Variants in TMEM41B observed in about 807,000 individuals in gnomAD.
The protein encoded by TMEM41B is protein stasimon.
In TMEM41B, 18 loss-of-function variants were observed where a neutral mutation model predicts 31.9. The observed-to-expected ratio is 0.56, with a 90% CI of 0.39 to 0.84. The LOEUF (loss-of-function observed/expected upper bound fraction) is 0.84. Among genes scored for constraint, TMEM41B ranks in the 40% least tolerant of loss-of-function variants. The pLI, the probability that TMEM41B is intolerant of heterozygous loss-of-function variation, is 0.00. For synonymous variants in TMEM41B, 144 were observed against 124.3 expected (o/e 1.16, Z -1.05); for missense variants, 322 against 348.0 (o/e 0.93, Z 0.59).
intron 6 of TMEM41B, 53 bp downstream of exon 6, chr11:9,286,402 C>CT (rs1227095603): frequency 6.5e-7 from 1 of 1,548,470 alleles, no homozygotes; most frequent in Non-Finnish European, 8.7e-7. Flanking sequence ...CAGCTGGACA[C>CT]TGTTAGATAT....
intron 6 of TMEM41B, among the ~76,000 whole-genome samples, chr11:9,285,423 ATTC>A (rs1852815435): frequency 6.6e-6 from 1 of 152,100 alleles, no homozygotes; most frequent in Admixed American, 6.6e-5. Flanking sequence ...GATTTTGGTT[ATTC>A]TTTTCAAAAA....
At chr11:9,288,114 G>A (rs1270980329) in intron 4 of TMEM41B, 2 of 208,998 alleles carry the variant, frequency 9.6e-6, no homozygotes, top group East Asian at 1.5e-4. Context: ...CCCTACCCCC[G>A]ACCCCCCCAG....
chr11:9,303,648 TTC>T lies in TMEM41B; in HGVS notation c.122-3949_122-3948del, dbSNP rs1367884892. ...TCCCAACTAGTCCCTATTATTCTTT[TTC>T]TTTTTTTTTTTTTTTTTTTTTGAGA... On this transcript the variant is annotated intron_variant, in intron 1 of 6. Coordinates refer to ENST00000528080, the MANE Select transcript of TMEM41B (RefSeq NM_015012.4). 1.4e-3 allele frequency among the ~76,000 whole-genome samples: 200 copies of T among 139,510 alleles called. 1 individual carries two copies. The highest frequency in any genetic ancestry group is 2.6e-3 in the Non-Finnish European group (174 of 66,126). The allele number at this position is 139,510 out of a possible 152,430, so 91.5% of individuals were successfully genotyped here.
intron 3 of TMEM41B, among the ~76,000 whole-genome samples, chr11:9,293,933 G>A (rs953418235): frequency 6.6e-6 from 1 of 152,012 alleles, no homozygotes; most frequent in Non-Finnish European, 1.5e-5. Flanking sequence ...TGTCAGGCGT[G>A]GCGGCTCATG....
chr11:9,283,434 T>A lies in TMEM41B; in HGVS notation c.866A>T (p.Lys289Ile). ...PAIFQKKLKQ[K>I]FE Reference sequence around the variant, plus strand: ...ATCAGATGATTATTTTTACTCAAATTTCTGCTTTAGTTTTTTTTGGAAGAT... The same window carrying A: ...ATCAGATGATTATTTTTACTCAAATATCTGCTTTAGTTTTTTTTGGAAGAT... Residue 289 changes from lysine (K) to isoleucine (I), a missense_variant, in exon 7 of 7, where the codon AAA (lysine) becomes ATA (isoleucine). By Grantham distance (102) the Lys-to-Ile change is moderately radical. Around this residue, in one of 3 missense-constraint regions of TMEM41B, gnomAD observed 92 missense variants for 88.0 expected, o/e 1.05. Transcript: ENST00000528080. 2 of 1,605,332 alleles carry A rather than the reference T, an allele frequency of 1.2e-6. No individual in the cohort carries two copies. Among genetic ancestry groups the A allele is most frequent in the Non-Finnish European group, 1.7e-6 (2 of 1,176,854 alleles).
intron 6 of TMEM41B, among the ~76,000 whole-genome samples, chr11:9,285,975 C>T (rs575776218): frequency 3.3e-5 from 5 of 151,928 alleles, no homozygotes; most frequent in South Asian, 2.1e-4. Flanking sequence ...ATTAGCCAGA[C>T]GTGGTGGCGT....
At chr11:9,286,771 A>G (rs4622264) in intron 5 of TMEM41B, among the ~76,000 whole-genome samples, 178 bp from the exon 6 acceptor site, 130,233 of 150,452 alleles carry the variant, frequency 0.87, 56,860 homozygotes, top group East Asian at 0.99. Flanking sequence ...AGGCTGAGGC[A>G]GGCGGATCAC....
chr11:9,294,039 A>G (rs1853018292), intron 3 of TMEM41B, among the ~76,000 whole-genome samples: 1 of 151,196 alleles, frequency 6.6e-6, no homozygotes, highest in East Asian at 2.0e-4. Context: ...ATAAATCCCA[A>G]ATTTAACTGG....
At chr11:9,291,301 G>C (rs191626857) in intron 3 of TMEM41B, among the ~76,000 whole-genome samples, 2 of 152,090 alleles carry the variant, frequency 1.3e-5, no homozygotes, top group East Asian at 1.9e-4. Flanking sequence ...AGAATTGCTT[G>C]AACTCGGGCA....
At chr11:9,310,391 C>CAA (rs34678272) in intron 1 of TMEM41B, among the ~76,000 whole-genome samples, 103 of 150,490 alleles carry the variant, frequency 6.8e-4, no homozygotes, top group East Asian at 3.1e-3. Flanking sequence ...AAAGATTAAA[C>CAA]AAAAAAAAAC....
rs1307884936 is a variant in TMEM41B at position 9,302,108 on chromosome 11, G to A, written c.122-2407C>T. Among the ~76,000 whole-genome samples, 3 of 105,524 alleles carry A rather than the reference G, an allele frequency of 2.8e-5. 1 individual carries two copies. Among genetic ancestry groups the A allele is most frequent in the Non-Finnish European group, 4.0e-5 (2 of 50,178 alleles). 69.2% of individuals were successfully genotyped at this position (105,524 alleles called of 152,430 possible). A position where few individuals can be genotyped will look rare whatever the true frequency, so the allele number is the denominator to read the frequency against. ...TGCAACCTCCGCCTCCCGGGTTCACGCCATTCTCCTGCCTCAGCCTCCCGA... is the reference window on the plus strand; with the variant it reads ...TGCAACCTCCGCCTCCCGGGTTCACACCATTCTCCTGCCTCAGCCTCCCGA... On this transcript the variant is annotated intron_variant, in intron 1 of 6. Coordinates refer to ENST00000528080, the MANE Select transcript of TMEM41B (RefSeq NM_015012.4).
At chr11:9,287,167 C>T (rs1431128319) in intron 5 of TMEM41B, among the ~76,000 whole-genome samples, 2 of 151,680 alleles carry the variant, frequency 1.3e-5, no homozygotes, top group East Asian at 1.9e-4. Context: ...ATTAGCCAGG[C>T]GTGGTGGCAT....
At position 9,289,941 on chromosome 11, in the gene TMEM41B, A is replaced by C. The variant is rs76823115; in HGVS notation, c.369-1406T>G. 5.6e-3 allele frequency among the ~76,000 whole-genome samples: 857 copies of C among 152,264 alleles called. 9 individuals carry two copies. Among genetic ancestry groups the C allele is most frequent in the African/African-American group, 0.02 (817 of 41,544 alleles). Reference sequence around the variant, plus strand: ...AAATTTGGCAATTTCCATGGCTTCAAGTATCAACCACATATAGTACTAAAA... The same window carrying C: ...AAATTTGGCAATTTCCATGGCTTCACGTATCAACCACATATAGTACTAAAA... On this transcript the variant is annotated intron_variant, in intron 3 of 6. Coordinates refer to ENST00000528080, the MANE Select transcript of TMEM41B (RefSeq NM_015012.4).
intron 1 of TMEM41B, among the ~76,000 whole-genome samples, chr11:9,305,995 T>C (rs1853382536): frequency 1.3e-5 from 2 of 150,140 alleles, no homozygotes; most frequent in South Asian, 4.2e-4. Context: ...TTTTTTTTTT[T>C]TGAGACAGAG....
chr11:9,284,523 G>A (rs1310278468), intron 6 of TMEM41B, among the ~76,000 whole-genome samples: 1 of 152,078 alleles, frequency 6.6e-6, no homozygotes, highest in Non-Finnish European at 1.5e-5. Context: ...AGCACCCTGG[G>A]AGGCCAAGGC....
chr11:9,295,172 G>A (rs1717686221), intron 3 of TMEM41B, 87 bp downstream of exon 3: 9 of 1,258,544 alleles, frequency 7.2e-6, no homozygotes, highest in African/African-American at 1.6e-5. Flanking sequence ...ATTTTAAAAG[G>A]AAAATAGTTA....
At chr11:9,309,277 C>G (rs1853491846) in intron 1 of TMEM41B, among the ~76,000 whole-genome samples, 2 of 151,934 alleles carry the variant, frequency 1.3e-5, no homozygotes, top group Non-Finnish European at 2.9e-5. Context: ...AAATCTGATC[C>G]TGAAGATGCT....
intron 3 of TMEM41B, among the ~76,000 whole-genome samples, chr11:9,293,210 T>C (rs1045641015): frequency 6.6e-6 from 1 of 151,986 alleles, no homozygotes; most frequent in East Asian, 1.9e-4. Context: ...TCAGGTGATC[T>C]TCCCACCTCA....
chr11:9,287,876 G>T, intron 4 of TMEM41B, 70 bp from the exon 5 acceptor site: 3 of 1,110,004 alleles, frequency 2.7e-6, no homozygotes, highest in Non-Finnish European at 4.0e-6. Flanking sequence ...ATTCACCTGA[G>T]TAAAAAGCTC....
Sources: gnomAD v4.1 joint callset for allele counts (sites outside exome capture counted in the v4.1 genomes callset) on GRCh38, gnomAD v4.1.1 for gene constraint, gnomAD v4.1.1 regional missense constraint, MANE v1.5 for transcripts, NCBI Gene and HGNC (gene_info 2026-07-23, HGNC 2026-07-21) for gene names.